ZNF468: variants seen among roughly 807,000 people sequenced by gnomAD.
The protein encoded by ZNF468 is zinc finger protein ZNF468.
Under a neutral mutation model 7.2 loss-of-function variants are expected in ZNF468, and 8 were observed. The ratio of observed to expected loss-of-function variants is 1.11; its 90% CI spans 0.65 to 2.01. The LOEUF (loss-of-function observed/expected upper bound fraction) is 2.01. Ranked by LOEUF, ZNF468 falls within the 30% of genes most tolerant of loss-of-function variation. ZNF468 has a pLI of 0.00. For synonymous variants in ZNF468, 218 were observed against 214.4 expected, an observed-to-expected ratio of 1.02 and a Z score of -0.15; for missense variants, 608 against 626.5, an observed-to-expected ratio of 0.97 and a Z score of 0.31.
chr19:52,842,719 G>A (rs79960572), intron 3 of ZNF468, among the ~76,000 whole-genome samples: 2,798 of 144,074 alleles, frequency 0.019, 98 homozygotes, highest in African/African-American at 0.067. Context: ...CAGAGGCTGC[G>A]TCACAAGTAT....
intron 2 of ZNF468, among the ~76,000 whole-genome samples, chr19:52,852,457 C>T (rs111640636): frequency 2.6e-5 from 4 of 152,112 alleles, no homozygotes; most frequent in South Asian, 2.1e-4. Context: ...AGGTGGATCA[C>T]GAGGTCAGGC....
chr19:52,840,973 A>G lies in ZNF468; in HGVS notation c.1321T>C (p.Cys441Arg). The G allele has an allele frequency of 2.5e-6, 4 of 1,613,946 alleles. No homozygotes were observed. The highest frequency in any genetic ancestry group is 3.4e-6 in the Non-Finnish European group (4 of 1,179,958). Reference sequence around the variant, plus strand: ...TGGAAAGCCTTGTCACAAACCTTACATTTGTATGGTTTCTCTCCAGTATGA... The same window carrying G: ...TGGAAAGCCTTGTCACAAACCTTACGTTTGTATGGTTTCTCTCCAGTATGA... ...RIHTGEKPYK[C>R]KVCDKAFQRD... is the part of the protein sequence containing the mutation. Residue 441 changes from cysteine to arginine, a missense_variant, in exon 4 of 4, where the codon TGT becomes CGT. Cys to Arg is a radical substitution (Grantham distance 180, BLOSUM62 -3). Coordinates refer to ENST00000595646, the MANE Select transcript of ZNF468 (RefSeq NM_001008801.2).
At chr19:52,842,428 T>G (rs60738058) in intron 3 of ZNF468, among the ~76,000 whole-genome samples, 46,569 of 151,776 alleles carry the variant, frequency 0.31, 7,558 homozygotes, top group South Asian at 0.46. Context: ...GTTTTTCCAC[T>G]GTGACCCTAA....
chr19:52,847,912 T>C (rs1448079552), intron 3 of ZNF468, among the ~76,000 whole-genome samples: 1 of 152,202 alleles, frequency 6.6e-6, no homozygotes, highest in East Asian at 1.9e-4. Flanking sequence ...GGTTCTCGCA[T>C]GCTGAGTGTG....
rs536367456 is a variant in ZNF468, at chr19:52,840,100, T to C, written c.*625A>G. On this transcript the variant is annotated 3_prime_UTR_variant, in exon 4 of 4. Coordinates refer to ENST00000595646, the MANE Select transcript of ZNF468 (RefSeq NM_001008801.2). ...CACGTGTGAATCATTCCCGAAAGCC[T>C]TGTCACAAACCTTACATTTCTATGG... 11 of 752,844 alleles carry C rather than the reference T, an allele frequency of 1.5e-5. No homozygotes were observed. The highest frequency in any genetic ancestry group is 4.8e-5 in the East Asian group (1 of 20,854). The allele number at this position is 752,844 out of a possible 1,614,324, so 46.6% of individuals were successfully genotyped here.
intron 2 of ZNF468, 38 bp from the exon 3 acceptor site, chr19:52,849,251 A>T (rs2063364996): frequency 2.5e-6 from 4 of 1,612,160 alleles, no homozygotes; most frequent in Middle Eastern, 3.3e-4. Context: ...TGGTTATGGG[A>T]GGAGATCTTA....
At chr19:52,850,218 T>C (rs530461919) in intron 2 of ZNF468, among the ~76,000 whole-genome samples, 18 of 152,250 alleles carry the variant, frequency 1.2e-4, no homozygotes, top group Middle Eastern at 3.4e-3. Flanking sequence ...TGGAAAAGGA[T>C]ACTTTGGCAG....
chr19:52,843,643 T>G (rs1453147294), intron 3 of ZNF468, among the ~76,000 whole-genome samples: 1 of 152,092 alleles, frequency 6.6e-6, no homozygotes, highest in East Asian at 1.9e-4. Flanking sequence ...CAACCCATGA[T>G]AAAACAAGCA....
At chr19:52,847,786 CAT>C (rs981511143) in intron 3 of ZNF468, among the ~76,000 whole-genome samples, 24 of 152,278 alleles carry the variant, frequency 1.6e-4, no homozygotes, top group Admixed American at 4.6e-4. Flanking sequence ...CCTTTGCTCA[CAT>C]GTTTCCCTGC....
intron 1 of ZNF468, among the ~76,000 whole-genome samples, 196 bp downstream of exon 1, chr19:52,857,376 G>A (rs1369289394): frequency 1.3e-5 from 2 of 152,334 alleles, no homozygotes; most frequent in Middle Eastern, 3.4e-3. Context: ...AGAAAGACCC[G>A]GGACGGGACC....
chr19:52,851,066 A>G (rs2063385947), intron 2 of ZNF468, among the ~76,000 whole-genome samples: 1 of 152,020 alleles, frequency 6.6e-6, no homozygotes, highest in Admixed American at 6.6e-5. Flanking sequence ...TGAGGTCGGG[A>G]GTTCAAGACC....
In ZNF468 at chr19:52,841,284, G is replaced by C; in HGVS notation, c.1010C>G (p.Ala337Gly). 1 of 1,609,448 alleles carries C rather than the reference G, an allele frequency of 6.2e-7. No homozygotes were observed. The highest frequency in any genetic ancestry group is 8.5e-7 in the Non-Finnish European group (1 of 1,178,360). Residue 337 changes from alanine (A) to glycine (G), a missense_variant, in exon 4 of 4, where the codon GCA (alanine) becomes GGA (glycine). Coordinates refer to ENST00000595646, the MANE Select transcript of ZNF468 (RefSeq NM_001008801.2). The part of the protein sequence containing the change: ...YKCKVCDEAF[A>G]YNSYLAKHTI... ...ATGTTTTGCCAGATATGAATTATAT[G>C]CGAAAGCCTCATCACAAACCTTACA...
In ZNF468 at chr19:52,853,552, G is replaced by A. The variant is rs191292725; in HGVS notation, c.15+706C>T. ...AAAAATACAAAAAAATTAGCTGGGC[G>A]TGGTGGTGCACACCTATAACCCCAG... is the stretch of plus-strand genomic sequence containing the variant. On this transcript the variant is annotated intron_variant, in intron 2 of 3. Coordinates refer to ENST00000595646, the MANE Select transcript of ZNF468 (RefSeq NM_001008801.2). Among the ~76,000 whole-genome samples the A allele has an allele frequency of 2.0e-3, 297 of 152,116 alleles. 2 individuals carry two copies. Among genetic ancestry groups the A allele is most frequent in the African/African-American group, 6.7e-3 (278 of 41,470 alleles).
At chr19:52,851,530 A>C (rs1013916477) in intron 2 of ZNF468, among the ~76,000 whole-genome samples, 3 of 151,938 alleles carry the variant, frequency 2.0e-5, no homozygotes, top group African/African-American at 4.8e-5. Flanking sequence ...TGAGCCGAGA[A>C]CACCACTGAA....
chr19:52,850,885 C>T (rs191936993), intron 2 of ZNF468, among the ~76,000 whole-genome samples: 3,003 of 150,002 alleles, frequency 0.02, 56 homozygotes, highest in Admixed American at 0.053. Flanking sequence ...GGCGACAGAG[C>T]GAGACTCCGT....
rs1311289904 is a variant in ZNF468 at position 52,841,665 on chromosome 19, A to G, written c.629T>C (p.Met210Thr). The G allele has an allele frequency of 6.2e-7, 1 of 1,614,060 alleles. No individual in the cohort carries two copies. The highest frequency in any genetic ancestry group is 8.5e-7 in the Non-Finnish European group (1 of 1,180,014). ...SLLTQKWEVHMREKSFECIQS... is the reference protein window; with the variant it reads ...SLLTQKWEVHTREKSFECIQS... The stretch of plus-strand genomic sequence containing the variant: ...TATACATTCAAAAGATTTTTCTCTC[A>G]TGTGTACTTCCCATTTTTGTGTGAG... The change falls in exon 4 of 4, where the codon ATG becomes ACG. Residue 210 changes from methionine (M) to threonine (T), a missense_variant. Transcript: ENST00000595646.
rs963968073 is a variant in ZNF468, at chr19:52,840,560, A to G, written c.*165T>C. 2 of 1,330,426 alleles carry G rather than the reference A, an allele frequency of 1.5e-6. No individual in the cohort carries two copies. The highest frequency in any genetic ancestry group is 2.9e-5 in the African/African-American group (2 of 68,744). The allele number at this position is 1,330,426 out of a possible 1,614,324, so 82.4% of individuals were successfully genotyped here. On this transcript the variant is annotated 3_prime_UTR_variant, in exon 4 of 4. Transcript: ENST00000595646. ...CTTTTGTCACATTCCTCCCATTTGT[A>G]AGGTTTCTCTCCAGTATGAAGTCTA...
rs2063265913 is a variant in ZNF468 at position 52,838,406 on chromosome 19, GA to G, written c.*2318del. ...ACCACAGCAGAAATAACCAATCAGG[GA>G]AAACGGAATGCTTTTCCTGTAGGAT... On this transcript the variant is annotated 3_prime_UTR_variant, in exon 4 of 4. Transcript: ENST00000595646. The G allele has an allele frequency of 6.6e-6, 1 of 152,160 alleles. No homozygotes were observed. The highest frequency in any genetic ancestry group is 1.5e-5 in the Non-Finnish European group (1 of 68,034). The allele number at this position is 152,160 out of a possible 1,614,324, so 9.4% of individuals were successfully genotyped here.
chr19:52,844,679 C>T (rs868630950), intron 3 of ZNF468, among the ~76,000 whole-genome samples: 8 of 152,078 alleles, frequency 5.3e-5, no homozygotes, highest in Non-Finnish European at 8.8e-5. Context: ...GCTGGGATTA[C>T]AGGTGCACAC....
Sources: allele counts gnomAD v4.1 joint callset (sites outside exome capture counted in the v4.1 genomes callset), GRCh38; gene constraint gnomAD v4.1.1; transcripts MANE v1.5; gene names NCBI Gene and HGNC (gene_info 2026-07-23, HGNC 2026-07-21).